GFM2: variants seen among roughly 807,000 people sequenced by gnomAD.
The protein encoded by GFM2 is ribosome-releasing factor 2, mitochondrial.
GFM2 carries 72 observed loss-of-function variants against 95.4 expected under a neutral mutation model. That is an observed-to-expected ratio of 0.76 (90% CI 0.62 to 0.92). The LOEUF (loss-of-function observed/expected upper bound fraction) is 0.92. GFM2 is among the 40% of genes least tolerant of loss of function. The probability of loss-of-function intolerance (pLI) is 0.00; values close to 1 mark genes in which losing one functional copy is unlikely to be tolerated. For synonymous variants in GFM2, 276 were observed against 317.5 expected (o/e 0.87, Z 1.39); for missense variants, 825 against 924.1 (o/e 0.89, Z 1.39).
intron 10 of GFM2, among the ~76,000 whole-genome samples, chr5:74,742,462 A>G (rs1489891226): frequency 6.6e-6 from 1 of 152,180 alleles, no homozygotes; most frequent in Non-Finnish European, 1.5e-5. Flanking sequence ...AGATGATAGT[A>G]GTATCTACTT....
At chr5:74,760,831 T>C in intron 3 of GFM2, 71 bp downstream of exon 3, 2 of 1,012,540 alleles carry the variant, frequency 2.0e-6, no homozygotes, top group Non-Finnish European at 3.0e-6. Context: ...AGGGAGATTC[T>C]TGCAAACAAG....
chr5:74,741,782 G>A (rs1743120420), intron 10 of GFM2, 173 bp from the exon 11 acceptor site: 2 of 438,274 alleles, frequency 4.6e-6, no homozygotes, highest in South Asian at 5.7e-5. Flanking sequence ...TTCTTTGAAA[G>A]GAAAAGAAAT....
Position 74,733,086 on chromosome 5 carries a change from G to A in GFM2, c.1523C>T (p.Ala508Val), listed in dbSNP as rs747081870. ...ATCTTCACGCTGAAGACATTTCAAC[G>A]CATGTTCCAAATCTATGGGATAAAC... Reference protein sequence around the residue: ...SLSKQPDLEHALKCLQREDPS... With the variant: ...SLSKQPDLEHVLKCLQREDPS... The change falls in exon 16 of 21, where the codon GCG becomes GTG. Residue 508 changes from alanine (A) to valine (V), a missense_variant. Physicochemically the swap from Ala to Val is moderately conservative, Grantham distance 64. Coordinates refer to ENST00000296805, the MANE Select transcript of GFM2 (RefSeq NM_032380.5). 23 of 1,609,070 alleles carry A rather than the reference G, an allele frequency of 1.4e-5. No homozygotes were observed. Among genetic ancestry groups the A allele is most frequent in the Middle Eastern group, 1.6e-4 (1 of 6,076 alleles).
intron 18 of GFM2, 74 bp from the exon 19 acceptor site, chr5:74,725,829 T>G: frequency 7.0e-7 from 1 of 1,437,226 alleles, no homozygotes; most frequent in Middle Eastern, 1.8e-4. Flanking sequence ...TGCAAAGGAA[T>G]AGGGAGAAAA....
intron 5 of GFM2, among the ~76,000 whole-genome samples, chr5:74,753,393 T>C (rs1229864466): frequency 6.6e-6 from 1 of 151,772 alleles, no homozygotes; most frequent in Admixed American, 6.6e-5. Context: ...CGGTCAGGAG[T>C]TCAAGACCAG....
intron 10 of GFM2, among the ~76,000 whole-genome samples, chr5:74,744,689 G>T (rs998719311): frequency 1.3e-5 from 2 of 152,060 alleles, no homozygotes; most frequent in Non-Finnish European, 2.9e-5. Context: ...TAAAGTAAAA[G>T]ACATGCATAT....
At chr5:74,724,170 T>G (rs748679403) in intron 19 of GFM2, among the ~76,000 whole-genome samples, 20 of 152,172 alleles carry the variant, frequency 1.3e-4, no homozygotes, top group Non-Finnish European at 2.6e-4. Flanking sequence ...TGGCATAATC[T>G]TATTAAAAAG....
intron 15 of GFM2, among the ~76,000 whole-genome samples, chr5:74,734,276 G>A (rs1056149469): frequency 2.0e-5 from 3 of 151,856 alleles, no homozygotes; most frequent in Non-Finnish European, 4.4e-5. Context: ...GTAAATATTA[G>A]TAATTTTAAT....
At chr5:74,729,680 T>C (rs914057704) in intron 17 of GFM2, among the ~76,000 whole-genome samples, 2 of 143,838 alleles carry the variant, frequency 1.4e-5, no homozygotes, top group Non-Finnish European at 3.1e-5. Flanking sequence ...CTAAACGTCT[T>C]TTTTTTTTTT....
intron 17 of GFM2, among the ~76,000 whole-genome samples, chr5:74,730,046 T>G (rs917038148): frequency 1.3e-5 from 2 of 152,082 alleles, no homozygotes; most frequent in African/African-American, 4.8e-5. Context: ...ACTTGGTTGA[T>G]GAGTGGTCAT....
intron 10 of GFM2, among the ~76,000 whole-genome samples, chr5:74,742,671 TC>T (rs1181062484): frequency 7.2e-6 from 1 of 139,654 alleles, no homozygotes; most frequent in Non-Finnish European, 1.5e-5. Context: ...ACCATTGTAC[TC>T]TTTTTTTTTT....
At chr5:74,761,225 C>CCTCAACCT (rs1446106601) in intron 2 of GFM2, among the ~76,000 whole-genome samples, 1 of 152,186 alleles carries the variant, frequency 6.6e-6, no homozygotes, top group African/African-American at 2.4e-5. Context: ...CAATGGTTTT[C>CCTCAACCT]CTCAACCTGC....
At chr5:74,746,903 A>G (rs1221003467) in intron 8 of GFM2, among the ~76,000 whole-genome samples, 5 of 152,194 alleles carry the variant, frequency 3.3e-5, no homozygotes, top group Non-Finnish European at 7.3e-5. Flanking sequence ...TCTTTAAACA[A>G]ACAGCCTCAG....
chr5:74,753,930 T>C (rs2112334528), intron 5 of GFM2, among the ~76,000 whole-genome samples: 1 of 151,820 alleles, frequency 6.6e-6, no homozygotes, highest in South Asian at 2.1e-4. Flanking sequence ...TTATCTAAAG[T>C]CAAGACAGGA....
Position 74,721,622 on chromosome 5 carries a change from T to TGCTCCTGAATTTCTCTCCA in GFM2, c.*14_*32dup. 1.3e-6 allele frequency: 2 copies of TGCTCCTGAATTTCTCTCCA among 1,599,514 alleles called. No individual in the cohort carries two copies. Among genetic ancestry groups the TGCTCCTGAATTTCTCTCCA allele is most frequent in the South Asian group, 2.3e-5 (2 of 88,006 alleles). Reference sequence around the variant, plus strand: ...TCTTACTGAAAATGAAGTAGCTAGGTGCTCCTGAATTTCTCTCCAAAAACT... The same window carrying TGCTCCTGAATTTCTCTCCA: ...TCTTACTGAAAATGAAGTAGCTAGGTGCTCCTGAATTTCTCTCCAGCTCCTGAATTTCTCTCCAAAAACT... On this transcript the variant is annotated 3_prime_UTR_variant, in exon 21 of 21. Coordinates refer to ENST00000296805, the MANE Select transcript of GFM2 (RefSeq NM_032380.5).
rs147934999 is a variant in GFM2 at position 74,731,357 on chromosome 5, G to T, written c.1588-959C>A. Among the ~76,000 whole-genome samples, 175 of 152,242 alleles carry T rather than the reference G, an allele frequency of 1.1e-3. 1 individual carries two copies. Among genetic ancestry groups the T allele is most frequent in the Admixed American group, 0.011 (162 of 15,292 alleles). On this transcript the variant is annotated intron_variant, in intron 16 of 20. Coordinates refer to ENST00000296805, the MANE Select transcript of GFM2 (RefSeq NM_032380.5). Reference sequence around the variant, plus strand: ...ACCAATGAAGACTAAAGGTATTAGCGTATTAGCTTGAATCTATGGAAGGGA... The same window carrying T: ...ACCAATGAAGACTAAAGGTATTAGCTTATTAGCTTGAATCTATGGAAGGGA...
chr5:74,745,772 T>C lies in GFM2; in HGVS notation c.755A>G (p.Asp252Gly), dbSNP rs375423855. 1.2e-6 allele frequency: 2 copies of C among 1,613,666 alleles called. No homozygotes were observed. The highest frequency in any genetic ancestry group is 1.7e-6 in the Non-Finnish European group (2 of 1,179,740). Residue 252 changes from aspartate (D) to glycine (G), a missense_variant, in exon 10 of 21, where the codon GAT (aspartate) becomes GGT (glycine). Asp to Gly is a moderately conservative substitution (Grantham distance 94, BLOSUM62 -1). Coordinates refer to ENST00000296805, the MANE Select transcript of GFM2 (RefSeq NM_032380.5). Reference sequence around the variant, plus strand: ...GGGCTTTCTCTCAAAGTCTTTTCCATCATTTGAATTGCAATTCCAAAGAAG... The same window carrying C: ...GGGCTTTCTCTCAAAGTCTTTTCCACCATTTGAATTGCAATTCCAAAGAAG... Reference protein sequence around the residue: ...EKLLWNCNSNDGKDFERKPLL... With the variant: ...EKLLWNCNSNGGKDFERKPLL...
At chr5:74,731,004 G>T (rs1054243509) in intron 16 of GFM2, among the ~76,000 whole-genome samples, 3 of 151,906 alleles carry the variant, frequency 2.0e-5, no homozygotes, top group Non-Finnish European at 4.4e-5. Context: ...GTAGAGATGG[G>T]GTTTCTCCAT....
In GFM2 at chr5:74,745,851, T is replaced by C. The variant is rs201950341; in HGVS notation, c.676A>G (p.Ile226Val). Residue 226 changes from isoleucine (I) to valine (V), a missense_variant, in exon 10 of 21, where the codon ATT (isoleucine) becomes GTT (valine). Ile to Val is a conservative substitution (Grantham distance 29). Coordinates refer to ENST00000296805, the MANE Select transcript of GFM2 (RefSeq NM_032380.5). Reference sequence around the variant, plus strand: ...CCTTTGAAAGTTTTGGCTTCACCAATTGGTAACTGTAAGTCAGAGTGAGAT... The same window carrying C: ...CCTTTGAAAGTTTTGGCTTCACCAACTGGTAACTGTAAGTCAGAGTGAGAT... ...KAKPLLLQLP[I>V]GEAKTFKGVV... The C allele has an allele frequency of 5.6e-6, 9 of 1,610,284 alleles. No homozygotes were observed. Among genetic ancestry groups the C allele is most frequent in the African/African-American group, 1.3e-5 (1 of 74,860 alleles).
Sources: gnomAD v4.1 joint callset for allele counts (sites outside exome capture counted in the v4.1 genomes callset) on GRCh38, gnomAD v4.1.1 for gene constraint, MANE v1.5 for transcripts, NCBI Gene and HGNC (gene_info 2026-07-23, HGNC 2026-07-21) for gene names.